EFCAB7: variants seen among roughly 807,000 people sequenced by gnomAD.
EFCAB7 encodes EF-hand calcium-binding domain-containing protein 7.
A neutral mutation model predicts 77.1 loss-of-function variants in EFCAB7; 66 were observed. The observed-to-expected ratio is 0.86, with a 90% CI of 0.70 to 1.05. The LOEUF is 1.05. Among genes scored for constraint, EFCAB7 ranks in the 50% least tolerant of loss-of-function variants. The probability of loss-of-function intolerance (pLI) is 0.00; values close to 1 mark genes in which losing one functional copy is unlikely to be tolerated. For synonymous variants in EFCAB7, 225 were observed against 243.3 expected (o/e 0.92, Z 0.70); for missense variants, 638 against 730.5 (o/e 0.87, Z 1.46).
rs764409104 is a variant in EFCAB7 at position 63,531,945 on chromosome 1, G to A, written c.313G>A (p.Ala105Thr). 2 of 1,612,922 alleles carry A rather than the reference G, an allele frequency of 1.2e-6. No homozygotes were observed. The highest frequency in any genetic ancestry group is 1.7e-6 in the Non-Finnish European group (2 of 1,179,292). ...ILRKEKPTSK[A>T]ELLKSFKQLD... ...AAGGAAGGAAAAACCTACTTCAAAAGCAGAACTACTAAAATCATTTAAGCA... is the reference window on the plus strand; with the variant it reads ...AAGGAAGGAAAAACCTACTTCAAAAACAGAACTACTAAAATCATTTAAGCA... Residue 105 changes from alanine to threonine, a missense_variant, in exon 3 of 14, where the codon GCA (alanine) becomes ACA (threonine). Physicochemically the swap from Ala to Thr is moderately conservative, Grantham distance 58. Transcript: ENST00000371088.
At chr1:63,561,422 A>T (rs75093517) in intron 10 of EFCAB7, among the ~76,000 whole-genome samples, 3,252 of 152,288 alleles carry the variant, frequency 0.021, 122 homozygotes, top group African/African-American at 0.074. Flanking sequence ...TTACCCAGAA[A>T]TATTACAGTT....
At chr1:63,554,980 A>G (rs908297195) in intron 8 of EFCAB7, 2 of 153,268 alleles carry the variant, frequency 1.3e-5, no homozygotes, top group Non-Finnish European at 2.9e-5. Context: ...ACTTTTTTTC[A>G]AAGGAGCTCA....
At chr1:63,537,777 A>G (rs900130614) in intron 6 of EFCAB7, among the ~76,000 whole-genome samples, 7 of 152,208 alleles carry the variant, frequency 4.6e-5, no homozygotes, top group Admixed American at 3.3e-4. Flanking sequence ...CCTAATAAGT[A>G]TGTGACATAG....
At chr1:63,544,095 G>C (rs1646865325) in intron 6 of EFCAB7, among the ~76,000 whole-genome samples, 1 of 151,058 alleles carries the variant, frequency 6.6e-6, no homozygotes, top group Non-Finnish European at 1.5e-5. Context: ...TCAGCCTTCG[G>C]AGTAGCTGGG....
intron 6 of EFCAB7, among the ~76,000 whole-genome samples, chr1:63,535,023 A>G (rs947673365): frequency 1.3e-5 from 2 of 152,238 alleles, no homozygotes; most frequent in Non-Finnish European, 1.5e-5. Flanking sequence ...TTCATACACA[A>G]TATTTAGTGT....
intron 7 of EFCAB7, among the ~76,000 whole-genome samples, chr1:63,551,430 A>G (rs1646963187): frequency 6.6e-6 from 1 of 152,164 alleles, no homozygotes; most frequent in Non-Finnish European, 1.5e-5. Context: ...GTCTCTACTA[A>G]AAATACAAAA....
chr1:63,549,284 A>G (rs948079646), intron 7 of EFCAB7: 2 of 464,944 alleles, frequency 4.3e-6, no homozygotes, highest in Admixed American at 2.5e-5. Context: ...TACCTCAGCA[A>G]TTCTTACCTT....
At chr1:63,527,641 C>G (rs1410667537) in intron 2 of EFCAB7, among the ~76,000 whole-genome samples, 5 of 152,108 alleles carry the variant, frequency 3.3e-5, no homozygotes, top group Non-Finnish European at 5.9e-5. Flanking sequence ...CAAACTTAAT[C>G]ATTAGATCCA....
Position 63,530,296 on chromosome 1 carries a change from T to G in EFCAB7, c.188-1524T>G, listed in dbSNP as rs543087852. Among the ~76,000 whole-genome samples, 3 of 152,276 alleles carry G rather than the reference T, an allele frequency of 2.0e-5. No individual in the cohort carries two copies. In the East Asian group the frequency reaches 5.8e-4, roughly 29 times the overall value. ...ATGCTGATTGGTGATGCGCAGATCT[T>G]GTGAATTTCTATAAAGATAGTTGGA... On this transcript the variant is annotated intron_variant, in intron 2 of 13. Coordinates refer to ENST00000371088, the MANE Select transcript of EFCAB7 (RefSeq NM_032437.4).
rs188841338 is a variant in EFCAB7, at chr1:63,526,508, C to G, written c.187+749C>G. Among the ~76,000 whole-genome samples the G allele has an allele frequency of 1.1e-4, 17 of 152,190 alleles. No homozygotes were observed. The East Asian group carries it at 3.3e-3, about 29-fold the overall frequency. ...CCCTGACATATTTGTGCAGCAGTGT[C>G]TTGAGTTTGTATCCAATAAGATCTA... On this transcript the variant is annotated intron_variant, in intron 2 of 13. Coordinates refer to ENST00000371088, the MANE Select transcript of EFCAB7 (RefSeq NM_032437.4).
chr1:63,573,631 G>A (rs909681775), downstream of EFCAB7, among the ~76,000 whole-genome samples: 8 of 152,132 alleles, frequency 5.3e-5, no homozygotes, highest in East Asian at 3.9e-4. Flanking sequence ...AGTAGAGAAC[G>A]GTGAATAGGA....
intron 4 of EFCAB7, 88 bp downstream of exon 4, chr1:63,532,844 A>C (rs954081984): frequency 3.5e-5 from 35 of 1,012,656 alleles, no homozygotes; most frequent in Non-Finnish European, 4.8e-5. Context: ...TATAATTGAC[A>C]TTACAGTGTA....
chr1:63,579,670 TAGG>T, the EFCAB7 span, among the ~76,000 whole-genome samples: 4 of 152,214 alleles, frequency 2.6e-5, no homozygotes, highest in Non-Finnish European at 4.4e-5. Context: ...AGCAGCAATG[TAGG>T]AGAATTCCAG....
chr1:63,535,140 A>G (rs1570389861), intron 6 of EFCAB7, among the ~76,000 whole-genome samples: 1 of 152,080 alleles, frequency 6.6e-6, no homozygotes, highest in East Asian at 1.9e-4. Flanking sequence ...CTGATTCAAA[A>G]GCACAAATAA....
intron 13 of EFCAB7, among the ~76,000 whole-genome samples, chr1:63,571,378 A>G (rs17125136): frequency 0.14 from 20,992 of 152,106 alleles, 1,555 homozygotes; most frequent in Middle Eastern, 0.24. Context: ...TGTAAAATTA[A>G]GATAATATCA....
chr1:63,549,173 T>C, intron 7 of EFCAB7: 1 of 297,322 alleles, frequency 3.4e-6, no homozygotes, highest in Non-Finnish European at 6.8e-6. Context: ...GAGAACAGCC[T>C]CACTTCTTTG....
At chr1:63,558,985 C>T (rs1463353112) in intron 10 of EFCAB7, among the ~76,000 whole-genome samples, 2 of 150,902 alleles carry the variant, frequency 1.3e-5, no homozygotes, top group Non-Finnish European at 2.9e-5. Flanking sequence ...GATTTCAAGA[C>T]CAGCCTGGAC....
At chr1:63,549,478 G>T in intron 7 of EFCAB7, 3 of 460,502 alleles carry the variant, frequency 6.5e-6, no homozygotes, top group Non-Finnish European at 1.3e-5. Flanking sequence ...CTACAGGAGA[G>T]TATCCAGGAG....
At chr1:63,560,512 C>CTTTTTTTT in intron 10 of EFCAB7, among the ~76,000 whole-genome samples, 1 of 77,422 alleles carries the variant, frequency 1.3e-5, no homozygotes, top group Non-Finnish European at 2.3e-5. Context: ...AAACTCTTAA[C>CTTTTTTTT]TTTTTTTTTT....
Sources: allele counts gnomAD v4.1 joint callset (sites outside exome capture counted in the v4.1 genomes callset), GRCh38; gene constraint gnomAD v4.1.1; transcripts MANE v1.5; gene names NCBI Gene and HGNC (gene_info 2026-07-23, HGNC 2026-07-21).